Variants in TPTE2 observed in about 807,000 individuals in gnomAD.
The protein encoded by TPTE2 is phosphatidylinositol 3,4,5-trisphosphate 3-phosphatase TPTE2.
TPTE2 carries 53 observed loss-of-function variants against 78.6 expected under a neutral mutation model. That is an observed-to-expected ratio of 0.67 (90% CI 0.54 to 0.85). The LOEUF is 0.85. Among genes scored for constraint, TPTE2 ranks in the 40% least tolerant of loss-of-function variants. TPTE2 has a pLI of 0.00. For missense variants in TPTE2, 461 were observed against 623.0 expected, an observed-to-expected ratio of 0.74 and a Z score of 2.77; for synonymous variants, 175 against 206.2, an observed-to-expected ratio of 0.85 and a Z score of 1.30.
chr13:19,450,035 T>C (rs753227738), intron 13 of TPTE2, 41 bp downstream of exon 16: 1 of 1,604,448 alleles, frequency 6.2e-7, no homozygotes, highest in East Asian at 2.2e-5. Context: ...TATATTTACA[T>C]GTCTTTAGAA....
At chr13:19,494,822 C>T (rs775541784) in intron 1 of TPTE2, among the ~76,000 whole-genome samples, 31 of 152,120 alleles carry the variant, frequency 2.0e-4, no homozygotes, top group Non-Finnish European at 4.0e-4. Flanking sequence ...AGACACAATG[C>T]GTAATTCTAA....
chr13:19,433,759 AAC>A (rs888486199), intron 15 of TPTE2, among the ~76,000 whole-genome samples: 3 of 152,310 alleles, frequency 2.0e-5, no homozygotes, highest in African/African-American at 7.2e-5. Context: ...AGGTCTTGCC[AAC>A]ACAGCTCTCA....
At chr13:19,503,041 G>A (rs991911254) in intron 1 of TPTE2, among the ~76,000 whole-genome samples, 183 bp downstream of exon 4, 1 of 152,146 alleles carries the variant, frequency 6.6e-6, no homozygotes, top group Non-Finnish European at 1.5e-5. Context: ...ACAAATGTCC[G>A]TCCATCTGTC....
intron 1 of TPTE2, among the ~76,000 whole-genome samples, chr13:19,501,758 T>C (rs1868575339): frequency 6.6e-6 from 1 of 151,758 alleles, no homozygotes; most frequent in Non-Finnish European, 1.5e-5. Context: ...ACTTCATGTC[T>C]AAAACACCAA....
rs1352376707 is a variant in TPTE2, at chr13:19,442,258, A to G, written c.974-4105T>C. 2.0e-5 allele frequency among the ~76,000 whole-genome samples: 3 copies of G among 152,088 alleles called. No individual in the cohort carries two copies. In the East Asian group the frequency reaches 5.8e-4, roughly 29 times the overall value. Reference sequence around the variant, plus strand: ...TGTTCTGTGTCCACAACAAAATGTAATAAATCAAAAATTTAAAGATAAATA... The same window carrying G: ...TGTTCTGTGTCCACAACAAAATGTAGTAAATCAAAAATTTAAAGATAAATA... On this transcript the variant is annotated intron_variant, in intron 13 of 19. Transcript: ENST00000400230.
upstream of TPTE2, among the ~76,000 whole-genome samples, chr13:19,540,877 GTTTCT>G (rs1274094252): frequency 6.6e-6 from 1 of 152,172 alleles, no homozygotes; most frequent in Non-Finnish European, 1.5e-5. Context: ...TAACAGGTTT[GTTTCT>G]TTCTTCCTTT....
chr13:19,504,297 T>A (rs1383873784), upstream of TPTE2, among the ~76,000 whole-genome samples: 1 of 152,124 alleles, frequency 6.6e-6, no homozygotes, highest in African/African-American at 2.4e-5. Flanking sequence ...CAAATCCCCT[T>A]GACCTCATCT....
chr13:19,485,869 T>C (rs1880634652), intron 3 of TPTE2, among the ~76,000 whole-genome samples: 2 of 152,086 alleles, frequency 1.3e-5, no homozygotes, highest in African/African-American at 4.8e-5. Context: ...AGGGCTTCTG[T>C]TTGGTTATTT....
intron 15 of TPTE2, among the ~76,000 whole-genome samples, chr13:19,433,185 C>G (rs1274690635): frequency 6.6e-6 from 1 of 152,044 alleles, no homozygotes; most frequent in Non-Finnish European, 1.5e-5. Flanking sequence ...TATTGAAGAG[C>G]TCTGGTACTC....
intron 7 of TPTE2, 42 bp downstream of exon 10, chr13:19,467,183 G>T (rs2497251): frequency 0.97 from 1,461,798 of 1,513,350 alleles, 706,925 homozygotes; most frequent in East Asian, 1. Flanking sequence ...AATGCTAAAA[G>T]TAATGAAAAA....
intron 1 of TPTE2, among the ~76,000 whole-genome samples, chr13:19,534,452 T>C (rs901678561): frequency 6.6e-6 from 1 of 152,202 alleles, no homozygotes; most frequent in Non-Finnish European, 1.5e-5. Context: ...AAAAGGAGCA[T>C]CTTCATAAAG....
Position 19,475,320 on chromosome 13 carries a change from G to A in TPTE2, c.230+253C>T, listed in dbSNP as rs187112649. Among the ~76,000 whole-genome samples, 224 of 151,742 alleles carry A rather than the reference G, an allele frequency of 1.5e-3. 1 individual carries two copies. The highest frequency in any genetic ancestry group is 2.6e-3 in the Admixed American group (39 of 15,220). On this transcript the variant is annotated intron_variant, in intron 5 of 19. Coordinates refer to ENST00000400230, the Ensembl canonical transcript of TPTE2. ...AGCTCACTGCAACCTATGCCTCCTC[G>A]GTCCAAGCGATTCTTCTGCCTCAGC...
At chr13:19,462,101 A>ATT (rs34437263) in intron 10 of TPTE2, among the ~76,000 whole-genome samples, 21 of 148,306 alleles carry the variant, frequency 1.4e-4, no homozygotes, top group South Asian at 1.1e-3. Context: ...TTCTTCACCT[A>ATT]TTTTTTTTTA....
At chr13:19,526,321 T>G (rs1157838351) in intron 1 of TPTE2, among the ~76,000 whole-genome samples, 3 of 152,120 alleles carry the variant, frequency 2.0e-5, no homozygotes, top group Non-Finnish European at 4.4e-5. Context: ...TTAAAAAATG[T>G]GGCACACATA....
At chr13:19,551,704 TAA>T in the TPTE2 span, among the ~76,000 whole-genome samples, 1 of 152,116 alleles carries the variant, frequency 6.6e-6, no homozygotes, top group Non-Finnish European at 1.5e-5. Flanking sequence ...TATTTACATA[TAA>T]GACTAAATAT....
intron 1 of TPTE2, among the ~76,000 whole-genome samples, chr13:19,531,964 A>G (rs1052724633): frequency 1.3e-5 from 2 of 152,216 alleles, no homozygotes; most frequent in African/African-American, 4.8e-5. Flanking sequence ...GGCAATACAT[A>G]GCCTGCCTCT....
chr13:19,451,292 A>G, intron 10 of TPTE2, 67 bp from the exon 14 acceptor site: 1 of 1,597,798 alleles, frequency 6.3e-7, no homozygotes, highest in Non-Finnish European at 8.6e-7. Context: ...CCTAGGGGGA[A>G]CCTAAAATGG....
At chr13:19,488,844 TTTTG>T (rs990598034) in intron 3 of TPTE2, among the ~76,000 whole-genome samples, 2 of 152,292 alleles carry the variant, frequency 1.3e-5, no homozygotes, top group Admixed American at 6.5e-5. Flanking sequence ...TTCTGTTTTG[TTTTG>T]TTTTTGTTTT....
intron 1 of TPTE2, among the ~76,000 whole-genome samples, chr13:19,532,715 C>T (rs1593424726): frequency 2.0e-5 from 3 of 152,314 alleles, no homozygotes; most frequent in Admixed American, 2.0e-4. Flanking sequence ...AGCATGTTGC[C>T]TTCATCCATT....
Sources: gnomAD v4.1 joint callset for allele counts (sites outside exome capture counted in the v4.1 genomes callset) on GRCh38, gnomAD v4.1.1 for gene constraint, MANE v1.5 for transcripts, NCBI Gene and HGNC (gene_info 2026-07-23, HGNC 2026-07-21) for gene names.